LRP1: variants seen among roughly 807,000 people sequenced by gnomAD.
LRP1 encodes the protein prolow-density lipoprotein receptor-related protein 1.
In LRP1, 51 loss-of-function variants were observed where a neutral mutation model predicts 541.5. The ratio of observed to expected loss-of-function variants is 0.09; its 90% CI spans 0.08 to 0.12. The LOEUF is 0.12. Ranked by LOEUF, LRP1 falls within the 10% of genes least tolerant of loss-of-function variation. The pLI, the probability that LRP1 is intolerant of heterozygous loss-of-function variation, is 1.00. For synonymous variants in LRP1, 2,219 were observed against 2,470.8 expected, an observed-to-expected ratio of 0.90 and a Z score of 3.02; for missense variants, 3,878 against 6,376.2, an observed-to-expected ratio of 0.61 and a Z score of 13.34.
At chr12:57,186,546 G>C (rs1033848047) in intron 41 of LRP1, among the ~76,000 whole-genome samples, 1 of 152,250 alleles carries the variant, frequency 6.6e-6, no homozygotes, top group Admixed American at 6.5e-5. Flanking sequence ...TAGGTGCTAC[G>C]TATACAGACC....
rs1047642269 is a variant in LRP1, at chr12:57,189,504, T to C, written c.7032-1301T>C. ...GAGCTTCTCACGAGCTCGCCGAGGC[T>C]CAGGGCAGCCAGTGTCTCCAGAGGG... On this transcript the variant is annotated intron_variant, in intron 42 of 88. Coordinates refer to ENST00000243077, the MANE Select transcript of LRP1 (RefSeq NM_002332.3). This position sits in a 1 kb window ranked among gnomAD's most constrained non-coding sequence, Gnocchi z 4.4. Among the ~76,000 whole-genome samples the C allele has an allele frequency of 1.5e-4, 23 of 152,238 alleles. No individual in the cohort carries two copies. The highest frequency in any genetic ancestry group is 5.5e-4 in the African/African-American group (23 of 41,534).
chr12:57,179,834 C>A lies in LRP1; in HGVS notation c.5019C>A (p.Phe1673Leu), dbSNP rs992803283. The A allele has an allele frequency of 2.5e-6, 4 of 1,614,182 alleles. No homozygotes were observed. Among genetic ancestry groups the A allele is most frequent in the Non-Finnish European group, 3.4e-6 (4 of 1,180,042 alleles). ...LAVDWVSRNL[F>L]WTSYDTNKKQ... ...TGGACTGGGTCTCCCGAAACCTGTT[C>A]TGGACAAGCTATGACACCAATAAGA... The change falls in exon 30 of 89, where the codon TTC becomes TTA. Residue 1673 changes from phenylalanine (F) to leucine (L), a missense_variant. Transcript: ENST00000243077. This position sits in a 1 kb window ranked among gnomAD's most constrained non-coding sequence, Gnocchi z 6.8.
At position 57,184,239 on chromosome 12, in the gene LRP1, T is replaced by A; in HGVS notation, c.6059+25T>A. ...GGTGAGGAGCTGGAAAGACTGGCCT[T>A]GTCATTCTGCCCATGGCCCATGCTG... On this transcript the variant is annotated intron_variant, in intron 37 of 88. Transcript: ENST00000243077. This position sits in a 1 kb window ranked among gnomAD's most constrained non-coding sequence, Gnocchi z 7.8. 1 of 1,613,350 alleles carries A rather than the reference T, an allele frequency of 6.2e-7. No individual in the cohort carries two copies. Among genetic ancestry groups the A allele is most frequent in the Non-Finnish European group, 8.5e-7 (1 of 1,179,378 alleles).
rs551093654 is a variant in LRP1 at position 57,204,902 on chromosome 12, G to T, written c.11194+153G>T. ...ATTGCTAGGAGCCTGGGGGCTTTTC[G>T]TTAGGAAAGAGAAGCCCCTGGGGAA... On this transcript the variant is annotated intron_variant, in intron 72 of 88. Transcript: ENST00000243077. This position sits in a 1 kb window ranked among gnomAD's most constrained non-coding sequence, Gnocchi z 5.3. 4.3e-6 allele frequency: 6 copies of T among 1,379,418 alleles called. No homozygotes were observed. Among genetic ancestry groups the T allele is most frequent in the Admixed American group, 5.0e-5 (2 of 39,906 alleles). The allele number at this position is 1,379,418 out of a possible 1,614,324, so 85.4% of individuals were successfully genotyped here.
In LRP1 at chr12:57,154,886, C is replaced by T; in HGVS notation, c.1227+185C>T. ...GAGAAAGGACAAGATACGGGTTCCA[C>T]TGTGATGGGAACAGTCATTTTAGAA... On this transcript the variant is annotated intron_variant, in intron 8 of 88. Transcript: ENST00000243077. The surrounding 1 kb of genome is among the most constrained non-coding windows in gnomAD (Gnocchi z 4.6). 1 of 632,652 alleles carries T rather than the reference C, an allele frequency of 1.6e-6. No individual in the cohort carries two copies. 39.2% of individuals were successfully genotyped at this position (632,652 alleles called of 1,614,324 possible).
At chr12:57,130,025 A>C (rs2035006090) in intron 1 of LRP1, among the ~76,000 whole-genome samples, 1 of 152,140 alleles carries the variant, frequency 6.6e-6, no homozygotes, top group South Asian at 2.1e-4. Context: ...TTTTGGGGAA[A>C]TGGGGTGCCT....
intron 41 of LRP1, among the ~76,000 whole-genome samples, chr12:57,186,561 C>G (rs772920529): frequency 6.6e-6 from 1 of 152,232 alleles, no homozygotes; most frequent in Non-Finnish European, 1.5e-5. Context: ...CAGACCTGTC[C>G]TTTCAGCCTT....
chr12:57,141,770 C>A (rs887156377), intron 3 of LRP1, among the ~76,000 whole-genome samples: 1 of 152,246 alleles, frequency 6.6e-6, no homozygotes, highest in African/African-American at 2.4e-5. Flanking sequence ...CACTACCTCT[C>A]TCCAGGTGGC....
At chr12:57,159,743 A>T in intron 11 of LRP1, 82 bp from the exon 12 acceptor site, 1 of 1,417,268 alleles carries the variant, frequency 7.1e-7, no homozygotes, top group South Asian at 1.2e-5. Context: ...GCTCAAAGGT[A>T]CCTGAGTCCG....
In LRP1 at chr12:57,195,768, T is replaced by A; in HGVS notation, c.8548T>A (p.Ser2850Thr). The change falls in exon 53 of 89, where the codon TCC becomes ACC. Residue 2850 changes from serine (S) to threonine (T), a missense_variant. Around this residue, in one of 13 missense-constraint regions of LRP1, gnomAD observed 1,100 missense variants for 1,827.4 expected, o/e 0.60. Coordinates refer to ENST00000243077, the MANE Select transcript of LRP1 (RefSeq NM_002332.3). ...DRDCADGSDE[S>T]PECEYPTCGP... is the part of the protein sequence containing the mutation. The stretch of plus-strand genomic sequence containing the variant: ...TGACTGTGCAGATGGCTCTGATGAG[T>A]CCCCCGAGTGTGGTGAGCCTTCGGC... 6.2e-7 allele frequency: 1 copy of A among 1,614,006 alleles called. No individual in the cohort carries two copies. The highest frequency in any genetic ancestry group is 1.3e-5 in the African/African-American group (1 of 74,984).
In LRP1 at chr12:57,213,273, C is replaced by T. The variant is rs1196948135; in HGVS notation, c.*718C>T. The T allele has an allele frequency of 7.6e-6, 1 of 132,176 alleles. No individual in the cohort carries two copies. Among genetic ancestry groups the T allele is most frequent in the African/African-American group, 2.9e-5 (1 of 33,990 alleles). The allele number at this position is 132,176 out of a possible 1,614,324, so 8.2% of individuals were successfully genotyped here. A position where few individuals can be genotyped will look rare whatever the true frequency, so the allele number is the denominator to read the frequency against. On this transcript the variant is annotated 3_prime_UTR_variant, in exon 89 of 89. Coordinates refer to ENST00000243077, the MANE Select transcript of LRP1 (RefSeq NM_002332.3). ...GGCAGCCCCGTTTTGGGGACGTGAACGTTTTAATAATTTTTGCTGAATTCC... is the reference window on the plus strand; with the variant it reads ...GGCAGCCCCGTTTTGGGGACGTGAATGTTTTAATAATTTTTGCTGAATTCC...
rs778260625 is a variant in LRP1, at chr12:57,185,662, G to A, written c.6595G>A (p.Gly2199Ser). ...CGGAGCATCGTGCCGCGAGTATGCC[G>A]GCTACCTGCTCTACTCAGAGCGCAC... ...EDGASCREYAGYLLYSERTIL... is the reference protein window; with the variant it reads ...EDGASCREYASYLLYSERTIL... The change falls in exon 41 of 89, where the codon GGC becomes AGC. Residue 2199 changes from glycine to serine, a missense_variant. This residue lies in a region of LRP1 where 1,100 missense variants were observed against 1,827.4 expected (regional missense o/e 0.60). Coordinates refer to ENST00000243077, the MANE Select transcript of LRP1 (RefSeq NM_002332.3). This position sits in a 1 kb window ranked among gnomAD's most constrained non-coding sequence, Gnocchi z 4.9. 14 of 1,613,432 alleles carry A rather than the reference G, an allele frequency of 8.7e-6. No individual in the cohort carries two copies. The highest frequency in any genetic ancestry group is 1.7e-5 in the Admixed American group (1 of 60,000).
At chr12:57,202,317 T>C (rs2036673533) in intron 67 of LRP1, 104 bp from the exon 68 acceptor site, 3 of 896,770 alleles carry the variant, frequency 3.3e-6, no homozygotes, top group Non-Finnish European at 5.6e-6. Context: ...CTTCCCAAGC[T>C]GGGATGCCCA....
chr12:57,176,135 G>A, intron 24 of LRP1, 29 bp downstream of exon 24: 2 of 1,611,658 alleles, frequency 1.2e-6, no homozygotes, highest in Admixed American at 3.3e-5. Flanking sequence ...CAGGCAGGAT[G>A]CACACAGGCG....
At position 57,176,013 on chromosome 12, in the gene LRP1, A is replaced by G; in HGVS notation, c.3898A>G (p.Ile1300Val). The G allele has an allele frequency of 8.7e-6, 14 of 1,614,224 alleles. No homozygotes were observed. Among genetic ancestry groups the G allele is most frequent in the Non-Finnish European group, 1.2e-5 (14 of 1,180,050 alleles). ...SVLVPGLRNTIALDFHLSQSA... is the reference protein window; with the variant it reads ...SVLVPGLRNTVALDFHLSQSA... Reference sequence around the variant, plus strand: ...CCTGGTGCCCGGCCTGCGCAACACCATCGCCCTGGACTTCCACCTCAGCCA... The same window carrying G: ...CCTGGTGCCCGGCCTGCGCAACACCGTCGCCCTGGACTTCCACCTCAGCCA... The change falls in exon 24 of 89, where the codon ATC (isoleucine) becomes GTC (valine). Residue 1300 changes from isoleucine to valine, a missense_variant. Transcript: ENST00000243077.
chr12:57,154,918 C>G lies in LRP1; in HGVS notation c.1227+217C>G. The G allele has an allele frequency of 1.6e-6, 1 of 606,454 alleles. No homozygotes were observed. Among genetic ancestry groups the G allele is most frequent in the South Asian group, 2.0e-5 (1 of 51,110 alleles). The allele number at this position is 606,454 out of a possible 1,614,324, so 37.6% of individuals were successfully genotyped here. A position where few individuals can be genotyped will look rare whatever the true frequency, so the allele number is the denominator to read the frequency against. Reference sequence around the variant, plus strand: ...GGGAACAGTCATTTTAGAAACACCACTTCTGTTTACTTCCTGTTTCTCATT... The same window carrying G: ...GGGAACAGTCATTTTAGAAACACCAGTTCTGTTTACTTCCTGTTTCTCATT... On this transcript the variant is annotated intron_variant, in intron 8 of 88. Transcript: ENST00000243077. This position sits in a 1 kb window ranked among gnomAD's most constrained non-coding sequence, Gnocchi z 4.6.
intron 67 of LRP1, 183 bp downstream of exon 67, chr12:57,202,088 C>T (rs376266853): frequency 4.1e-6 from 3 of 727,490 alleles, no homozygotes; most frequent in African/African-American, 3.5e-5. Context: ...TCCCCACATC[C>T]ACCCGTGCCC....
intron 44 of LRP1, among the ~76,000 whole-genome samples, chr12:57,191,946 T>TACACACACCACAC (rs2036411575): frequency 1.2e-3 from 7 of 5,672 alleles, no homozygotes; most frequent in Admixed American, 2.0e-3. Context: ...ACACACCACA[T>TACACACACCACAC]ACACACACCA....
At chr12:57,198,024 C>A in intron 58 of LRP1, 132 bp from the exon 59 acceptor site, 1 of 750,298 alleles carries the variant, frequency 1.3e-6, no homozygotes, top group South Asian at 1.8e-5. Context: ...ATTTTACTTC[C>A]ATGGTTCTCC....
Sources: gnomAD v4.1 joint callset for allele counts (sites outside exome capture counted in the v4.1 genomes callset) on GRCh38, gnomAD v4.1.1 for gene constraint, gnomAD v4.1.1 regional missense constraint, Gnocchi (gnomAD v3.1) non-coding constraint, MANE v1.5 for transcripts, NCBI Gene and HGNC (gene_info 2026-07-23, HGNC 2026-07-21) for gene names.